The following MACROH2A2 variants were observed in gnomAD, a reference collection of about 807,000 sequenced individuals.
MACROH2A2 encodes core histone macro-H2A.2.
In MACROH2A2, 6 loss-of-function variants were observed where a neutral mutation model predicts 37.6. The observed-to-expected ratio is 0.16, with a 90% CI of 0.09 to 0.32. The LOEUF is 0.32. MACROH2A2 is among the 10% of genes least tolerant of loss of function. The probability of loss-of-function intolerance (pLI) is 1.00; values close to 1 mark genes in which losing one functional copy is unlikely to be tolerated. For synonymous variants in MACROH2A2, 192 were observed against 202.7 expected, an observed-to-expected ratio of 0.95 and a Z score of 0.45; for missense variants, 290 against 485.9, an observed-to-expected ratio of 0.60 and a Z score of 3.79.
intron 4 of MACROH2A2, 88 bp from the exon 5 acceptor site, chr10:70,093,647 T>G (rs776962995): frequency 1.7e-5 from 12 of 689,468 alleles, no homozygotes; most frequent in Non-Finnish European, 3.1e-5. Flanking sequence ...ATATTCAACT[T>G]GGTGGCAGCC....
intron 7 of MACROH2A2, among the ~76,000 whole-genome samples, chr10:70,103,212 G>A (rs904314497): frequency 2.6e-5 from 4 of 152,162 alleles, no homozygotes; most frequent in East Asian, 1.9e-4. Context: ...CCACATCCCC[G>A]ATATAACCAT....
chr10:70,110,644 G>A (rs1285893192), intron 8 of MACROH2A2, among the ~76,000 whole-genome samples: 1 of 152,052 alleles, frequency 6.6e-6, no homozygotes, highest in Non-Finnish European at 1.5e-5. Flanking sequence ...AAAAGCTTTA[G>A]GAGGCTGAGG....
chr10:70,072,202 TTTC>T (rs2072114972), intron 1 of MACROH2A2, among the ~76,000 whole-genome samples: 1 of 152,036 alleles, frequency 6.6e-6, no homozygotes, highest in Admixed American at 6.6e-5. Context: ...TATAAGCATT[TTTC>T]TTTTTTTATT....
chr10:70,065,223 C>T (rs10999114), intron 1 of MACROH2A2, among the ~76,000 whole-genome samples: 6,436 of 151,918 alleles, frequency 0.042, 169 homozygotes, highest in Non-Finnish European at 0.056. Context: ...ATTACAGGCA[C>T]GCACCACCAC....
intron 7 of MACROH2A2, among the ~76,000 whole-genome samples, chr10:70,103,424 T>G (rs1278549901): frequency 6.6e-6 from 1 of 152,178 alleles, no homozygotes; most frequent in African/African-American, 2.4e-5. Flanking sequence ...CCCAGGCTGA[T>G]CTTGAACTGC....
At chr10:70,101,951 T>C (rs1386794084) in intron 7 of MACROH2A2, among the ~76,000 whole-genome samples, 1 of 152,070 alleles carries the variant, frequency 6.6e-6, no homozygotes, top group African/African-American at 2.4e-5. Context: ...TGTGCACAAG[T>C]TTTTTTTAAA....
At chr10:70,098,448 T>G (rs1386429548) in intron 6 of MACROH2A2, 4 of 152,048 alleles carry the variant, frequency 2.6e-5, no homozygotes, top group Non-Finnish European at 4.4e-5. Context: ...GTTTATTTGA[T>G]TTCGGATCCA....
chr10:70,069,520 C>A (rs569640780), intron 1 of MACROH2A2, among the ~76,000 whole-genome samples: 1 of 152,192 alleles, frequency 6.6e-6, no homozygotes, highest in East Asian at 1.9e-4. Flanking sequence ...GAAAATGGGG[C>A]CACCTGAACA....
intron 7 of MACROH2A2, among the ~76,000 whole-genome samples, chr10:70,108,309 C>T (rs1193050245): frequency 6.6e-6 from 1 of 152,204 alleles, no homozygotes; most frequent in East Asian, 1.9e-4. Flanking sequence ...TCAGACAACA[C>T]AAATTTGTCT....
At chr10:70,055,747 T>G (rs970073890) in intron 1 of MACROH2A2, among the ~76,000 whole-genome samples, 10 of 152,210 alleles carry the variant, frequency 6.6e-5, no homozygotes, top group African/African-American at 2.4e-4. Context: ...ATAAAATTAA[T>G]AATGCACACA....
At chr10:70,057,971 A>T (rs1446626512) in intron 1 of MACROH2A2, among the ~76,000 whole-genome samples, 1 of 152,094 alleles carries the variant, frequency 6.6e-6, no homozygotes, top group Non-Finnish European at 1.5e-5. Context: ...AGGCAGCATG[A>T]CCCCAAAGCC....
At chr10:70,063,145 C>T (rs79343817) in intron 1 of MACROH2A2, among the ~76,000 whole-genome samples, 3,306 of 151,930 alleles carry the variant, frequency 0.022, 45 homozygotes, top group Non-Finnish European at 0.037. Flanking sequence ...TAAAATGTGG[C>T]TCAACGTATA....
intron 1 of MACROH2A2, among the ~76,000 whole-genome samples, chr10:70,059,011 T>C (rs190742679): frequency 6.6e-6 from 1 of 152,228 alleles, no homozygotes; most frequent in Admixed American, 6.5e-5. Flanking sequence ...CAGTCCTAGA[T>C]ATAAAATCAA....
chr10:70,101,619 T>C (rs1208927912), intron 7 of MACROH2A2, among the ~76,000 whole-genome samples: 6 of 151,856 alleles, frequency 4.0e-5, no homozygotes, highest in African/African-American at 2.4e-5. Flanking sequence ...ACTTAGCTTT[T>C]CCCCCAACAA....
chr10:70,100,903 C>T (rs2072303115), intron 7 of MACROH2A2, among the ~76,000 whole-genome samples: 1 of 152,180 alleles, frequency 6.6e-6, no homozygotes, highest in South Asian at 2.1e-4. Context: ...AGACATGAGC[C>T]ACCACACCCG....
chr10:70,082,201 C>T (rs141511065), intron 2 of MACROH2A2, among the ~76,000 whole-genome samples: 7,399 of 152,190 alleles, frequency 0.049, 199 homozygotes, highest in Non-Finnish European at 0.054. Context: ...GGGCGGATCA[C>T]CTGAGATCGG....
At position 70,054,751 on chromosome 10, in the gene MACROH2A2, T is replaced by C. The variant is rs533196019; in HGVS notation, c.-60+1751T>C. ...GGTGATTTTTAGAATTGTTTTAGCC[T>C]AAAATTACATATAAATAAATAGAGG... On this transcript the variant is annotated intron_variant, in intron 1 of 8. Transcript: ENST00000373255. 3.6e-4 allele frequency among the ~76,000 whole-genome samples: 55 copies of C among 152,322 alleles called. No individual in the cohort carries two copies. In the South Asian group the frequency reaches 7.7e-3, roughly 21 times the overall value.
intron 2 of MACROH2A2, among the ~76,000 whole-genome samples, chr10:70,088,762 C>T (rs559924825): frequency 6.6e-5 from 10 of 152,318 alleles, no homozygotes; most frequent in African/African-American, 2.4e-4. Context: ...GTCCTTCCAT[C>T]CACTTTTCTT....
intron 7 of MACROH2A2, among the ~76,000 whole-genome samples, chr10:70,101,436 G>A (rs1022104399): frequency 4.6e-5 from 7 of 152,128 alleles, no homozygotes; most frequent in African/African-American, 1.7e-4. Context: ...AAGCCACGAG[G>A]GGTTTTATGC....
Sources: gnomAD v4.1 joint callset for allele counts (sites outside exome capture counted in the v4.1 genomes callset) on GRCh38, gnomAD v4.1.1 for gene constraint, MANE v1.5 for transcripts, NCBI Gene and HGNC (gene_info 2026-07-23, HGNC 2026-07-21) for gene names.